Variants in AIG1 observed in about 807,000 individuals in gnomAD.
AIG1 encodes androgen induced 1.
A neutral mutation model predicts 31.4 loss-of-function variants in AIG1; 23 were observed. That is an observed-to-expected ratio of 0.73 (90% CI 0.53 to 1.04). The LOEUF is 1.04. Among genes scored for constraint, AIG1 ranks in the 50% least tolerant of loss-of-function variants. AIG1 has a pLI of 0.00. For synonymous variants in AIG1, 100 were observed against 110.5 expected (o/e 0.90, Z 0.60); for missense variants, 274 against 295.0 (o/e 0.93, Z 0.52).
intron 3 of AIG1, among the ~76,000 whole-genome samples, chr6:143,247,816 C>T (rs146638232): frequency 6.6e-5 from 10 of 152,322 alleles, no homozygotes; most frequent in Non-Finnish European, 1.5e-4. Context: ...AAAATAGGTT[C>T]ATTGACTCTG....
chr6:143,259,117 C>T (rs1034417370), intron 3 of AIG1, among the ~76,000 whole-genome samples: 2 of 152,202 alleles, frequency 1.3e-5, no homozygotes, highest in African/African-American at 4.8e-5. Context: ...TCCACTTCTG[C>T]TTTCTGCCAT....
chr6:143,109,304 T>C (rs1296385927), intron 1 of AIG1, among the ~76,000 whole-genome samples: 1 of 152,224 alleles, frequency 6.6e-6, no homozygotes, highest in African/African-American at 2.4e-5. Flanking sequence ...TTTCCAACTT[T>C]CAGCTATCAA....
intron 1 of AIG1, among the ~76,000 whole-genome samples, chr6:143,125,153 T>C (rs1782589489): frequency 6.6e-6 from 1 of 152,238 alleles, no homozygotes; most frequent in African/African-American, 2.4e-5. Context: ...TGAATAAAAA[T>C]TTAGTGGGAC....
intron 3 of AIG1, among the ~76,000 whole-genome samples, chr6:143,225,585 T>C (rs1015385979): frequency 6.6e-6 from 1 of 152,218 alleles, no homozygotes; most frequent in African/African-American, 2.4e-5. Flanking sequence ...ATTCTAAAAC[T>C]ACAAATGACT....
At chr6:143,237,650 C>G (rs1793908732) in intron 3 of AIG1, among the ~76,000 whole-genome samples, 2 of 152,174 alleles carry the variant, frequency 1.3e-5, no homozygotes, top group South Asian at 4.1e-4. Context: ...TTACCACCAA[C>G]TTTGGAAAAA....
At chr6:143,123,089 T>C (rs1415400895) in intron 1 of AIG1, among the ~76,000 whole-genome samples, 2 of 152,190 alleles carry the variant, frequency 1.3e-5, no homozygotes, top group African/African-American at 4.8e-5. Context: ...TATACTATTA[T>C]GGCATCCTTC....
In AIG1 at chr6:143,290,649, T is replaced by G. The variant is rs114746381; in HGVS notation, c.515+6424T>G. 1.3e-3 allele frequency among the ~76,000 whole-genome samples: 195 copies of G among 152,318 alleles called. 1 individual carries two copies. The highest frequency in any genetic ancestry group is 4.6e-3 in the African/African-American group (190 of 41,568). ...TAGGTGTCTTTCTCTATTGGGAGAC[T>G]GCCTTTCCCTGGTGCCAGCTGCAAC... On this transcript the variant is annotated intron_variant, in intron 4 of 5. Transcript: ENST00000357847.
chr6:143,238,361 A>T (rs188578484), intron 3 of AIG1, among the ~76,000 whole-genome samples: 1 of 152,356 alleles, frequency 6.6e-6, no homozygotes, highest in East Asian at 1.9e-4. Context: ...CATAACAACA[A>T]CCCAGGCAGA....
At chr6:143,203,338 A>G (rs748304293) in intron 3 of AIG1, among the ~76,000 whole-genome samples, 1 of 152,192 alleles carries the variant, frequency 6.6e-6, no homozygotes, top group Non-Finnish European at 1.5e-5. Flanking sequence ...TCTATACTCT[A>G]CTATCTCCAT....
At chr6:143,171,497 TATATATTTAATATATATA>T (rs1403932723) in intron 3 of AIG1, among the ~76,000 whole-genome samples, 22 of 122,564 alleles carry the variant, frequency 1.8e-4, no homozygotes, top group Admixed American at 1.5e-3. Context: ...AAATATATAA[TATATATTTAATATATATA>T]ATATATATAT....
At chr6:143,087,520 A>G (rs533742044) in intron 1 of AIG1, among the ~76,000 whole-genome samples, 1 of 152,306 alleles carries the variant, frequency 6.6e-6, no homozygotes, top group Admixed American at 6.5e-5. Flanking sequence ...TGCAGTGGAC[A>G]CCTTGCCAGA....
downstream of AIG1, chr6:143,343,474 C>G (rs753960216): frequency 1.4e-5 from 4 of 278,406 alleles, no homozygotes; most frequent in Non-Finnish European, 2.9e-5. Flanking sequence ...GCTACGTTCC[C>G]GCCTGGAAGA....
intron 1 of AIG1, among the ~76,000 whole-genome samples, chr6:143,092,082 C>T (rs1007702087): frequency 1.3e-5 from 2 of 152,076 alleles, no homozygotes; most frequent in Non-Finnish European, 2.9e-5. Flanking sequence ...CTGCCTGTGG[C>T]AGCTACAGCC....
In AIG1 at chr6:143,241,287, T is replaced by C. The variant is rs113755265; in HGVS notation, c.400-42823T>C. Among the ~76,000 whole-genome samples the C allele has an allele frequency of 6.4e-3, 974 of 152,264 alleles. 9 individuals are homozygous for C. Among genetic ancestry groups the C allele is most frequent in the African/African-American group, 0.023 (940 of 41,560 alleles). On this transcript the variant is annotated intron_variant, in intron 3 of 5. Coordinates refer to ENST00000357847, the MANE Select transcript of AIG1 (RefSeq NM_016108.4). ...TCAGCGAACAACTATTCCAAACCCC[T>C]ATGTGAAAACCCTGACCCTGGTGAG...
At chr6:143,232,408 ACT>A (rs1315865913) in intron 3 of AIG1, among the ~76,000 whole-genome samples, 2 of 151,888 alleles carry the variant, frequency 1.3e-5, no homozygotes, top group Non-Finnish European at 2.9e-5. Flanking sequence ...AGTCAAATAG[ACT>A]CTGTCCTCCA....
At chr6:143,069,236 C>T (rs993233885) in intron 1 of AIG1, among the ~76,000 whole-genome samples, 5 of 152,026 alleles carry the variant, frequency 3.3e-5, no homozygotes, top group East Asian at 1.9e-4. Flanking sequence ...AGGTTGGGCT[C>T]GAACTCCTGG....
In AIG1 at chr6:143,258,397, G is replaced by A. The variant is rs1795512758; in HGVS notation, c.400-25713G>A. On this transcript the variant is annotated intron_variant, in intron 3 of 5. Transcript: ENST00000357847. The surrounding 1 kb of genome is among the most constrained non-coding windows in gnomAD (Gnocchi z 4.7). Reference sequence around the variant, plus strand: ...TTGTACTGATTCAGCAATGCTGATTGTATGTGATTCCAATGCAAAAATTTC... The same window carrying A: ...TTGTACTGATTCAGCAATGCTGATTATATGTGATTCCAATGCAAAAATTTC... Among the ~76,000 whole-genome samples the A allele has an allele frequency of 6.6e-6, 1 of 152,254 alleles. No homozygotes were observed. The highest frequency in any genetic ancestry group is 1.5e-5 in the Non-Finnish European group (1 of 68,052).
At chr6:143,161,122 AT>A (rs753109569) in intron 2 of AIG1, among the ~76,000 whole-genome samples, 2 of 152,220 alleles carry the variant, frequency 1.3e-5, no homozygotes, top group Non-Finnish European at 2.9e-5. Flanking sequence ...GAACAATTTT[AT>A]AAATTCAAAA....
chr6:143,227,503 A>T (rs1793081882), intron 3 of AIG1, among the ~76,000 whole-genome samples: 1 of 152,188 alleles, frequency 6.6e-6, no homozygotes, highest in Non-Finnish European at 1.5e-5. Flanking sequence ...AAATTCTTGG[A>T]TCTAAGAGAT....
Sources: gnomAD v4.1 joint callset for allele counts (sites outside exome capture counted in the v4.1 genomes callset) on GRCh38, gnomAD v4.1.1 for gene constraint, Gnocchi (gnomAD v3.1) non-coding constraint, MANE v1.5 for transcripts, NCBI Gene and HGNC (gene_info 2026-07-23, HGNC 2026-07-21) for gene names.